KCNH5: variants seen among roughly 807,000 people sequenced by gnomAD.
The protein encoded by KCNH5 is potassium voltage-gated channel subfamily H member 5, also known as voltage-gated delayed rectifier potassium channel KCNH5.
A neutral mutation model predicts 96.1 loss-of-function variants in KCNH5; 46 were observed. That is an observed-to-expected ratio of 0.48 (90% confidence interval 0.38 to 0.61). The LOEUF (loss-of-function observed/expected upper bound fraction) is 0.61, where lower values mean the gene tolerates loss of function less well. KCNH5 is among the 20% of genes least tolerant of loss of function. The pLI is 0.00. For synonymous variants in KCNH5, 439 were observed against 449.8 expected (o/e 0.98, Z 0.30); for missense variants, 907 against 1,225.8 (o/e 0.74, Z 3.88).
Position 62,799,726 on chromosome 14 carries a change from T to TATATACATAC in KCNH5, c.1822+2602_1822+2603insGTATGTATAT, listed in dbSNP as rs1213484157. 8.7e-5 allele frequency among the ~76,000 whole-genome samples: 6 copies of TATATACATAC among 68,664 alleles called. No individual in the cohort carries two copies. In the South Asian group the frequency reaches 4.4e-3, roughly 50 times the overall value. 45.0% of individuals were successfully genotyped at this position (68,664 alleles called of 152,430 possible). A position where few individuals can be genotyped will look rare whatever the true frequency, so the allele number is the denominator to read the frequency against. On this transcript the variant is annotated intron_variant, in intron 9 of 10. Coordinates refer to ENST00000322893, the MANE Select transcript of KCNH5 (RefSeq NM_139318.5). ...ATATATATATATATATATATATATA[T>TATATACATAC]ACACACACACACACACACATATCAG...
At chr14:62,834,363 T>C (rs1466018033) in intron 8 of KCNH5, among the ~76,000 whole-genome samples, 1 of 152,052 alleles carries the variant, frequency 6.6e-6, no homozygotes, top group Non-Finnish European at 1.5e-5. Flanking sequence ...TAAATATTTA[T>C]TGAACACATC....
intron 9 of KCNH5, among the ~76,000 whole-genome samples, chr14:62,789,373 C>A (rs979358028): frequency 6.6e-6 from 1 of 151,932 alleles, no homozygotes; most frequent in Non-Finnish European, 1.5e-5. Flanking sequence ...CTATTGTGAA[C>A]AATACTGCAA....
At chr14:62,957,117 A>C (rs1890118912) in intron 6 of KCNH5, among the ~76,000 whole-genome samples, 1 of 152,192 alleles carries the variant, frequency 6.6e-6, no homozygotes, top group African/African-American at 2.4e-5. Context: ...CTTACTTGAC[A>C]AGCCCCTCAG....
chr14:62,850,563 C>T (rs1887783841), intron 7 of KCNH5, among the ~76,000 whole-genome samples: 1 of 152,092 alleles, frequency 6.6e-6, no homozygotes, highest in Non-Finnish European at 1.5e-5. Flanking sequence ...CATTCATCTA[C>T]AGGGGACTAC....
intron 9 of KCNH5, among the ~76,000 whole-genome samples, chr14:62,794,690 T>G (rs1886503861): frequency 6.6e-6 from 1 of 152,056 alleles, no homozygotes; most frequent in South Asian, 2.1e-4. Flanking sequence ...CTTTAAAAGT[T>G]TGTTAAGGAA....
intron 8 of KCNH5, among the ~76,000 whole-genome samples, chr14:62,834,833 C>T (rs145419036): frequency 6.6e-6 from 1 of 152,098 alleles, no homozygotes; most frequent in East Asian, 1.9e-4. Context: ...TGGGACACAA[C>T]AATGTTCAAT....
chr14:63,006,307 T>C (rs1594671697), intron 3 of KCNH5, 59 bp downstream of exon 3: 2 of 1,110,604 alleles, frequency 1.8e-6, no homozygotes, highest in South Asian at 1.3e-5. Context: ...CCACTACGAC[T>C]TACCAAACAT....
chr14:62,880,451 C>A (rs1420512647), intron 7 of KCNH5, among the ~76,000 whole-genome samples: 1 of 151,972 alleles, frequency 6.6e-6, no homozygotes, highest in African/African-American at 2.4e-5. Context: ...GAGTAAAAAC[C>A]AGGAATTGAT....
intron 1 of KCNH5, among the ~76,000 whole-genome samples, chr14:63,038,279 C>T (rs922109080): frequency 2.6e-5 from 4 of 152,194 alleles, no homozygotes; most frequent in African/African-American, 9.6e-5. Flanking sequence ...CTGCTATGTG[C>T]TCTGCACAGT....
chr14:62,764,011 C>T (rs114967707), intron 10 of KCNH5, among the ~76,000 whole-genome samples: 5,414 of 152,198 alleles, frequency 0.036, 177 homozygotes, highest in African/African-American at 0.094. Flanking sequence ...GGAACTCCTC[C>T]CTAACTCATT....
intron 1 of KCNH5, among the ~76,000 whole-genome samples, chr14:63,040,110 T>C (rs1891794637): frequency 6.6e-6 from 1 of 152,070 alleles, no homozygotes; most frequent in Non-Finnish European, 1.5e-5. Context: ...AAGAAAAAGA[T>C]AAACACTGAC....
In KCNH5 at chr14:62,711,590, T is replaced by C. The variant is rs776387101; in HGVS notation, c.2020-3135A>G. On this transcript the variant is annotated intron_variant, in intron 10 of 10. Transcript: ENST00000322893. ...CAACAAGACTGGTCCTGAATTGTCA[T>C]CAAGTTTGCAGAACAGCAGGACCTA... 3.3e-5 allele frequency among the ~76,000 whole-genome samples: 5 copies of C among 151,982 alleles called. No homozygotes were observed. In the East Asian group the frequency reaches 9.7e-4, roughly 29 times the overall value.
At chr14:62,937,826 A>C (rs1889714013) in intron 7 of KCNH5, among the ~76,000 whole-genome samples, 1 of 152,164 alleles carries the variant, frequency 6.6e-6, no homozygotes, top group South Asian at 2.1e-4. Flanking sequence ...GCACAGGATG[A>C]AGGAATTTGG....
chr14:62,791,446 A>G (rs535666223), intron 9 of KCNH5, among the ~76,000 whole-genome samples: 3 of 151,660 alleles, frequency 2.0e-5, no homozygotes, highest in Non-Finnish European at 4.4e-5. Context: ...TTAAATGTAA[A>G]TGGATTAAAT....
At position 62,802,531 on chromosome 14, in the gene KCNH5, T is replaced by C. The variant is rs115435938; in HGVS notation, c.1620A>G (p.Leu540=). The stretch of plus-strand genomic sequence containing the variant: ...GATGTTCATTAAAAACCTTCCGGTT[T>C]AGATGAACACAGATATCAGCTCTCA... The part of the protein sequence containing the change: ...KDMRADICVH[L]NRKVFNEHPA... The change falls in exon 9 of 11, where the codon CTA becomes CTG. Residue 540 remains leucine, a synonymous_variant. Coordinates refer to ENST00000322893, the MANE Select transcript of KCNH5 (RefSeq NM_139318.5). 1.1e-3 allele frequency: 1,826 copies of C among 1,614,098 alleles called. 4 individuals are homozygous for C. The highest frequency in any genetic ancestry group is 1.3e-3 in the Non-Finnish European group (1,557 of 1,179,988).
rs142252600 is a variant in KCNH5, at chr14:62,987,093, A to G, written c.528T>C (p.His176=). The change falls in exon 5 of 11, where the codon CAT becomes CAC. Residue 176 remains histidine, a synonymous_variant. Coordinates refer to ENST00000322893, the MANE Select transcript of KCNH5 (RefSeq NM_139318.5). The stretch of plus-strand genomic sequence containing the variant: ...TTACTTCAGCTAGTCTTGAATGTTT[A>G]TGGACCACCTCTGTTTTATTCATTG... ...LTPMNKTEVV[H]KHSRLAEVLQ... 6.6e-4 allele frequency: 1,066 copies of G among 1,613,086 alleles called. 1 individual carries two copies. Among genetic ancestry groups the G allele is most frequent in the Non-Finnish European group, 8.7e-4 (1,022 of 1,179,260 alleles).
intron 4 of KCNH5, 122 bp from the exon 5 acceptor site, chr14:62,987,309 A>G (rs1890727933): frequency 2.9e-6 from 2 of 685,404 alleles, no homozygotes; most frequent in African/African-American, 1.8e-5. Flanking sequence ...CAAAGTATCA[A>G]ACAAAAGTAT....
chr14:62,897,695 G>T (rs905583146), intron 7 of KCNH5, among the ~76,000 whole-genome samples: 3 of 152,080 alleles, frequency 2.0e-5, no homozygotes, highest in Non-Finnish European at 4.4e-5. Flanking sequence ...AGTGAAAAAG[G>T]AAGAACACAG....
At chr14:62,814,977 G>T (rs774552685) in intron 8 of KCNH5, among the ~76,000 whole-genome samples, 15 of 151,922 alleles carry the variant, frequency 9.9e-5, no homozygotes, top group Non-Finnish European at 1.8e-4. Context: ...GAACTACAGT[G>T]GGTATAGCAT....
Sources: gnomAD v4.1 joint callset for allele counts (sites outside exome capture counted in the v4.1 genomes callset) on GRCh38, gnomAD v4.1.1 for gene constraint, MANE v1.5 for transcripts, NCBI Gene and HGNC (gene_info 2026-07-23, HGNC 2026-07-21) for gene names.